MEI4: variants seen among roughly 807,000 people sequenced by gnomAD.
MEI4 encodes the protein meiotic double-stranded break formation protein 4.
A neutral mutation model predicts 31.4 loss-of-function variants in MEI4; 27 were observed. The observed-to-expected ratio is 0.86, with a 90% CI of 0.63 to 1.19. MEI4 has a LOEUF of 1.19. Ranked by LOEUF, MEI4 falls within the 50% of genes most tolerant of loss-of-function variation. The pLI is 0.00. For missense variants in MEI4, 329 were observed against 398.9 expected (o/e 0.82, Z 1.49); for synonymous variants, 122 against 145.4 (o/e 0.84, Z 1.16).
chr6:77,829,130 C>A (rs1293147523), intron 4 of MEI4, 68 bp downstream of exon 4: 5 of 1,122,938 alleles, frequency 4.5e-6, no homozygotes, highest in Non-Finnish European at 5.6e-6. Context: ...CTTTCTTTTC[C>A]CTTCTTTCTT....
chr6:77,790,418 A>G (rs985202847), intron 3 of MEI4, among the ~76,000 whole-genome samples: 14 of 152,064 alleles, frequency 9.2e-5, no homozygotes, highest in Non-Finnish European at 1.8e-4. Flanking sequence ...ATAACATTGA[A>G]TGATAAAAAA....
intron 4 of MEI4, among the ~76,000 whole-genome samples, chr6:77,910,365 A>G (rs1231302933): frequency 6.6e-6 from 1 of 152,198 alleles, no homozygotes; most frequent in Non-Finnish European, 1.5e-5. Context: ...CAAAGTCTCA[A>G]GATTCAAAAT....
chr6:77,702,193 G>A (rs1766242034), intron 2 of MEI4, among the ~76,000 whole-genome samples: 1 of 152,168 alleles, frequency 6.6e-6, no homozygotes, highest in Non-Finnish European at 1.5e-5. Context: ...CTCCGCCTCT[G>A]TTTCACCTCT....
At chr6:77,794,087 TG>T (rs1354378248) in intron 3 of MEI4, among the ~76,000 whole-genome samples, 2 of 152,064 alleles carry the variant, frequency 1.3e-5, no homozygotes, top group African/African-American at 4.8e-5. Flanking sequence ...ACAGCTGGGA[TG>T]AAAGTGAAGG....
chr6:77,853,852 A>G lies in MEI4; in HGVS notation c.900+24790A>G, dbSNP rs533186846. On this transcript the variant is annotated intron_variant, in intron 4 of 4. Coordinates refer to ENST00000684080, the MANE Select transcript of MEI4 (RefSeq NM_001322247.2). Reference sequence around the variant, plus strand: ...TCTGTTTTTGATTATTCATTCTTCAAAGACTTTACAACATTCCACTAGAAT... The same window carrying G: ...TCTGTTTTTGATTATTCATTCTTCAGAGACTTTACAACATTCCACTAGAAT... Among the ~76,000 whole-genome samples, 3 of 152,340 alleles carry G rather than the reference A, an allele frequency of 2.0e-5. No homozygotes were observed. The East Asian group carries it at 5.8e-4, about 29-fold the overall frequency.
At chr6:77,885,923 A>AT (rs1168254167) in intron 4 of MEI4, among the ~76,000 whole-genome samples, 1 of 151,796 alleles carries the variant, frequency 6.6e-6, no homozygotes, top group Admixed American at 6.6e-5. Flanking sequence ...TAAGATTATA[A>AT]TTTTTTTCCT....
At chr6:77,878,714 T>C (rs1771404752) in intron 4 of MEI4, among the ~76,000 whole-genome samples, 1 of 152,172 alleles carries the variant, frequency 6.6e-6, no homozygotes, top group African/African-American at 2.4e-5. Flanking sequence ...GTGAATTTTA[T>C]TTATTGCTAT....
chr6:77,892,412 G>A (rs972704855), intron 4 of MEI4, among the ~76,000 whole-genome samples: 1 of 152,096 alleles, frequency 6.6e-6, no homozygotes, highest in Non-Finnish European at 1.5e-5. Context: ...ACATGGGCAT[G>A]GGCTGACTTG....
At chr6:77,842,319 T>G (rs1399825251) in intron 4 of MEI4, among the ~76,000 whole-genome samples, 1 of 152,030 alleles carries the variant, frequency 6.6e-6, no homozygotes, top group Non-Finnish European at 1.5e-5. Flanking sequence ...AACCTATGGA[T>G]CAAACATAAA....
intron 4 of MEI4, among the ~76,000 whole-genome samples, chr6:77,850,386 T>C (rs1423766635): frequency 6.6e-6 from 1 of 152,122 alleles, no homozygotes; most frequent in Non-Finnish European, 1.5e-5. Flanking sequence ...TTCAAACTTA[T>C]ACTACAAGGC....
At chr6:77,912,323 C>T (rs923951013) in intron 4 of MEI4, among the ~76,000 whole-genome samples, 2 of 151,788 alleles carry the variant, frequency 1.3e-5, no homozygotes, top group East Asian at 1.9e-4. Context: ...CTTTTTGTTT[C>T]CATGTGAATT....
At chr6:77,790,657 A>G (rs967593080) in intron 3 of MEI4, among the ~76,000 whole-genome samples, 42 of 152,156 alleles carry the variant, frequency 2.8e-4, no homozygotes, top group Non-Finnish European at 5.4e-4. Context: ...GAGAACTGAA[A>G]GCAAGATCAA....
rs762748254 is a variant in MEI4 at position 77,733,893 on chromosome 6, G to T, written c.233-27237G>T. ...CCTTCATTTTGTTATGTACCCAGTAGTCATTCAGGAGCATGTTGTTCAGTT... is the reference window on the plus strand; with the variant it reads ...CCTTCATTTTGTTATGTACCCAGTATTCATTCAGGAGCATGTTGTTCAGTT... On this transcript the variant is annotated intron_variant, in intron 2 of 4. Transcript: ENST00000684080. Among the ~76,000 whole-genome samples the T allele has an allele frequency of 7.9e-5, 12 of 152,158 alleles. No homozygotes were observed. In the Middle Eastern group the frequency reaches 0.014, roughly 173 times the overall value.
At chr6:77,787,922 T>C (rs1768790262) in intron 3 of MEI4, among the ~76,000 whole-genome samples, 1 of 152,150 alleles carries the variant, frequency 6.6e-6, no homozygotes, top group South Asian at 2.1e-4. Context: ...ATATTGAGGA[T>C]TTTTGCATCG....
chr6:77,795,581 A>G (rs527325233), intron 3 of MEI4, among the ~76,000 whole-genome samples: 1 of 152,248 alleles, frequency 6.6e-6, no homozygotes, highest in South Asian at 2.1e-4. Flanking sequence ...AGTATTACAA[A>G]TGAACAAGGA....
At chr6:77,845,780 T>C (rs1187608420) in intron 4 of MEI4, among the ~76,000 whole-genome samples, 1 of 152,020 alleles carries the variant, frequency 6.6e-6, no homozygotes, top group Non-Finnish European at 1.5e-5. Context: ...TGTTTATATA[T>C]CTAAGTGGCC....
intron 4 of MEI4, among the ~76,000 whole-genome samples, chr6:77,869,990 C>G (rs549553806): frequency 1.3e-5 from 2 of 152,168 alleles, no homozygotes; most frequent in East Asian, 3.9e-4. Flanking sequence ...TGTCAGAGCT[C>G]TGGCTGGACA....
At chr6:77,784,617 G>T (rs1768683389) in intron 3 of MEI4, among the ~76,000 whole-genome samples, 1 of 152,130 alleles carries the variant, frequency 6.6e-6, no homozygotes, top group African/African-American at 2.4e-5. Flanking sequence ...GTCAATTAAA[G>T]CTGGCAGAAC....
intron 3 of MEI4, among the ~76,000 whole-genome samples, chr6:77,787,579 T>A (rs1035527658): frequency 6.6e-6 from 1 of 151,994 alleles, no homozygotes; most frequent in Admixed American, 6.6e-5. Flanking sequence ...CATAAATCAG[T>A]CTAAAAAGAC....
Sources: gnomAD v4.1 joint callset for allele counts (sites outside exome capture counted in the v4.1 genomes callset) on GRCh38, gnomAD v4.1.1 for gene constraint, MANE v1.5 for transcripts, NCBI Gene and HGNC (gene_info 2026-07-23, HGNC 2026-07-21) for gene names.